PRKAR2B: variants seen among roughly 807,000 people sequenced by gnomAD.
PRKAR2B encodes the protein protein kinase cAMP-dependent type II regulatory subunit beta, also known as cAMP-dependent protein kinase type II-beta regulatory subunit.
A neutral mutation model predicts 49.9 loss-of-function variants in PRKAR2B; 14 were observed. The ratio of observed to expected loss-of-function variants is 0.28; its 90% CI spans 0.19 to 0.44. The LOEUF (loss-of-function observed/expected upper bound fraction) is 0.44, where lower values mean the gene tolerates loss of function less well. PRKAR2B is among the 20% of genes least tolerant of loss of function. The pLI is 1.00. For missense variants in PRKAR2B, 393 were observed against 537.9 expected, an observed-to-expected ratio of 0.73 and a Z score of 2.67; for synonymous variants, 196 against 197.7, an observed-to-expected ratio of 0.99 and a Z score of 0.07.
In PRKAR2B at chr7:107,161,229, G is replaced by A. The variant is rs1796192291; in HGVS notation, c.*1647G>A. The A allele has an allele frequency of 6.6e-6, 1 of 152,056 alleles. No individual in the cohort carries two copies. Among genetic ancestry groups the A allele is most frequent in the South Asian group, 2.1e-4 (1 of 4,828 alleles). The allele number at this position is 152,056 out of a possible 1,614,324, so 9.4% of individuals were successfully genotyped here. A position where few individuals can be genotyped will look rare whatever the true frequency, so the allele number is the denominator to read the frequency against. On this transcript the variant is annotated 3_prime_UTR_variant, in exon 11 of 11. Transcript: ENST00000265717. Reference sequence around the variant, plus strand: ...AGAGCTCTCTACATGAAGATGACTTGTTTTATATTTCAGATTTTATTTTAA... The same window carrying A: ...AGAGCTCTCTACATGAAGATGACTTATTTTATATTTCAGATTTTATTTTAA...
chr7:107,145,905 A>G (rs1323763561), intron 5 of PRKAR2B, among the ~76,000 whole-genome samples: 1 of 151,114 alleles, frequency 6.6e-6, no homozygotes, highest in African/African-American at 2.4e-5. Context: ...ACACCCGGCT[A>G]ATATTTTGTA....
intron 2 of PRKAR2B, among the ~76,000 whole-genome samples, chr7:107,119,784 C>T (rs1201271290): frequency 6.6e-6 from 1 of 152,204 alleles, no homozygotes. Context: ...GTGCTGGTCC[C>T]ATCCTTCATT....
At position 107,156,801 on chromosome 7, in the gene PRKAR2B, G is replaced by A. The variant is rs183634691; in HGVS notation, c.919-183G>A. 4.8e-4 allele frequency among the ~76,000 whole-genome samples: 72 copies of A among 148,668 alleles called. 1 individual carries two copies. The East Asian group carries it at 0.014, about 28-fold the overall frequency. ...AGTCTGGGCAACAGAGTGAGACTCC[G>A]TCTCAAAAAAAAAAAAAACCTCTTG... On this transcript the variant is annotated intron_variant, in intron 8 of 10. Transcript: ENST00000265717.
chr7:107,120,854 G>A (rs914233909), intron 2 of PRKAR2B, among the ~76,000 whole-genome samples: 12 of 151,632 alleles, frequency 7.9e-5, no homozygotes, highest in African/African-American at 2.9e-4. Context: ...AGATAAAGTG[G>A]TATGAAAAAA....
intron 6 of PRKAR2B, among the ~76,000 whole-genome samples, chr7:107,148,835 C>G (rs1441162657): frequency 2.0e-5 from 3 of 152,134 alleles, no homozygotes; most frequent in Admixed American, 6.5e-5. Context: ...CGTGACTATA[C>G]TGATGATTTG....
intron 1 of PRKAR2B, among the ~76,000 whole-genome samples, chr7:107,064,248 A>G (rs1004868125): frequency 7.2e-5 from 11 of 152,220 alleles, no homozygotes; most frequent in Non-Finnish European, 1.5e-4. Context: ...CTGGAGACTC[A>G]TGTTCATTCA....
At position 107,157,206 on chromosome 7, in the gene PRKAR2B, G is replaced by C. The variant is rs3729881; in HGVS notation, c.1005G>C (p.Glu335Asp). Reference protein sequence around the residue: ...MKRKGKSEVEENGAVEIARCS... With the variant: ...MKRKGKSEVEDNGAVEIARCS... ...GTCAGGGTAAATCAGAAGTGGAAGAGAATGGTGCAGTAGAAATCGCTCGAT... is the reference window on the plus strand; with the variant it reads ...GTCAGGGTAAATCAGAAGTGGAAGACAATGGTGCAGTAGAAATCGCTCGAT... Residue 335 changes from glutamate (E) to aspartate (D), a missense_variant, in exon 10 of 11, where the codon GAG becomes GAC. By Grantham distance (45) the Glu-to-Asp change is conservative. Coordinates refer to ENST00000265717, the MANE Select transcript of PRKAR2B (RefSeq NM_002736.3). 6.2e-7 allele frequency: 1 copy of C among 1,613,554 alleles called. No individual in the cohort carries two copies. Among genetic ancestry groups the C allele is most frequent in the Non-Finnish European group, 8.5e-7 (1 of 1,179,784 alleles).
At chr7:107,061,111 T>C (rs1794018725) in intron 1 of PRKAR2B, among the ~76,000 whole-genome samples, 1 of 152,122 alleles carries the variant, frequency 6.6e-6, no homozygotes, top group Non-Finnish European at 1.5e-5. Context: ...TGCTGTCCTT[T>C]CCTCAATGCC....
Position 107,140,847 on chromosome 7 carries a change from G to A in PRKAR2B, c.481G>A (p.Glu161Lys). 1.2e-6 allele frequency: 2 copies of A among 1,603,874 alleles called. No individual in the cohort carries two copies. The highest frequency in any genetic ancestry group is 1.7e-6 in the Non-Finnish European group (2 of 1,174,064). ...DILLFKNLDP[E>K]QMSQVLDAMF... The stretch of plus-strand genomic sequence containing the variant: ...TATATCCCATCTTTTTTAAAAATAG[G>A]AGCAGATGTCTCAAGTATTAGATGC... The change falls in exon 5 of 11, where the codon GAG becomes AAG. Residue 161 changes from glutamate (E) to lysine (K), a missense_variant and splice_region_variant. Transcript: ENST00000265717.
At chr7:107,094,030 A>G (rs1312377391) in intron 2 of PRKAR2B, among the ~76,000 whole-genome samples, 2 of 152,188 alleles carry the variant, frequency 1.3e-5, no homozygotes, top group Non-Finnish European at 2.9e-5. Context: ...TATACCCAGT[A>G]ATGGGATGGC....
At chr7:107,084,623 C>CT (rs1228159993) in intron 2 of PRKAR2B, among the ~76,000 whole-genome samples, 194 of 141,028 alleles carry the variant, frequency 1.4e-3, no homozygotes, top group East Asian at 2.7e-3. Context: ...CATCTATATA[C>CT]TTTTTTTTTT....
intron 2 of PRKAR2B, among the ~76,000 whole-genome samples, chr7:107,096,305 T>A (rs1254117959): frequency 6.6e-6 from 1 of 152,226 alleles, no homozygotes; most frequent in African/African-American, 2.4e-5. Context: ...GTGTTTATAG[T>A]ATTCTCTGAT....
chr7:107,062,358 A>G (rs567087017), intron 1 of PRKAR2B, among the ~76,000 whole-genome samples: 2 of 152,374 alleles, frequency 1.3e-5, no homozygotes, highest in East Asian at 1.9e-4. Context: ...GCTTTATTCA[A>G]AATAGCTCAA....
intron 2 of PRKAR2B, among the ~76,000 whole-genome samples, chr7:107,105,919 T>C (rs1296816121): frequency 1.3e-5 from 2 of 152,194 alleles, no homozygotes; most frequent in South Asian, 4.1e-4. Context: ...GTGTTTTTTC[T>C]GCCTGCTTTG....
In PRKAR2B at chr7:107,100,110, G is replaced by A. The variant is rs1056847047; in HGVS notation, c.344-21842G>A. ...TTTCTGGTGCTCTTTATTTCTTCCT[G>A]TAGATTTGAGTTACTATCTAGTATC... On this transcript the variant is annotated intron_variant, in intron 2 of 10. Coordinates refer to ENST00000265717, the MANE Select transcript of PRKAR2B (RefSeq NM_002736.3). Among the ~76,000 whole-genome samples, 5 of 151,978 alleles carry A rather than the reference G, an allele frequency of 3.3e-5. No homozygotes were observed. In the East Asian group the frequency reaches 5.8e-4, roughly 18 times the overall value.
At chr7:107,126,262 A>C (rs575323295) in intron 3 of PRKAR2B, among the ~76,000 whole-genome samples, 7 of 147,752 alleles carry the variant, frequency 4.7e-5, no homozygotes, top group South Asian at 2.2e-4. Context: ...AAAAAAAAAA[A>C]AAAAAAACCA....
chr7:107,052,417 C>CA (rs1479594714), intron 1 of PRKAR2B, among the ~76,000 whole-genome samples: 6 of 151,858 alleles, frequency 4.0e-5, no homozygotes, highest in South Asian at 2.1e-4. Context: ...TACTCTGTCT[C>CA]AAAAAAATAA....
At chr7:107,077,384 T>G (rs943817406) in intron 2 of PRKAR2B, 6 of 152,166 alleles carry the variant, frequency 3.9e-5, no homozygotes, top group Admixed American at 2.0e-4. Flanking sequence ...TGCCGTAATA[T>G]CCTCAAAGTG....
chr7:107,120,982 T>C (rs1403827823), intron 2 of PRKAR2B, among the ~76,000 whole-genome samples: 2 of 150,918 alleles, frequency 1.3e-5, no homozygotes, highest in East Asian at 1.9e-4. Context: ...AAATAAATAA[T>C]TTAAAATTTT....
Sources: allele counts gnomAD v4.1 joint callset (sites outside exome capture counted in the v4.1 genomes callset), GRCh38; gene constraint gnomAD v4.1.1; transcripts MANE v1.5; gene names NCBI Gene and HGNC (gene_info 2026-07-23, HGNC 2026-07-21).